NNT: variants seen among roughly 807,000 people sequenced by gnomAD.
The protein encoded by NNT is nicotinamide nucleotide transhydrogenase, also known as NAD(P) transhydrogenase, mitochondrial.
Under a neutral mutation model 104.8 loss-of-function variants are expected in NNT, and 50 were observed. The observed-to-expected ratio is 0.48, with a 90% confidence interval of 0.38 to 0.60. The LOEUF is 0.60. NNT is among the 20% of genes least tolerant of loss of function. The pLI is 0.00. For synonymous variants in NNT, 461 were observed against 490.4 expected, an observed-to-expected ratio of 0.94 and a Z score of 0.79; for missense variants, 1,131 against 1,330.7, an observed-to-expected ratio of 0.85 and a Z score of 2.33.
intron 19 of NNT, among the ~76,000 whole-genome samples, chr5:43,697,127 G>C (rs1226648593): frequency 6.6e-6 from 1 of 152,112 alleles, no homozygotes. Context: ...TTTATGCTCT[G>C]TTTTCTTTCT....
At chr5:43,618,200 A>G (rs1749884240) in intron 4 of NNT, among the ~76,000 whole-genome samples, 1 of 152,224 alleles carries the variant, frequency 6.6e-6, no homozygotes, top group Non-Finnish European at 1.5e-5. Context: ...AGCATTTTCT[A>G]TGTGACAGGC....
At chr5:43,622,893 T>A (rs1318781593) in intron 5 of NNT, among the ~76,000 whole-genome samples, 7 of 151,836 alleles carry the variant, frequency 4.6e-5, no homozygotes, top group Non-Finnish European at 1.5e-5. Context: ...TATGTCTTGA[T>A]TCAGGATAAC....
At chr5:43,669,594 T>C (rs919994411) in intron 17 of NNT, among the ~76,000 whole-genome samples, 6 of 151,970 alleles carry the variant, frequency 3.9e-5, no homozygotes, top group African/African-American at 7.2e-5. Context: ...TATTGATTTG[T>C]GTATGTTGAA....
Position 43,656,228 on chromosome 5 carries a change from C to G in NNT, c.2293+155C>G, listed in dbSNP as rs114895780. Among the ~76,000 whole-genome samples, 1,303 of 152,132 alleles carry G rather than the reference C, an allele frequency of 8.6e-3. 7 individuals carry two copies. The highest frequency in any genetic ancestry group is 0.014 in the Non-Finnish European group (930 of 68,002). The stretch of plus-strand genomic sequence containing the variant: ...AGGCTGAGGTGGGAGGCTCTCAAGC[C>G]CAGGAGTTCAAGACCAGCCTGGGCA... On this transcript the variant is annotated intron_variant, in intron 15 of 21. Coordinates refer to ENST00000344920, the MANE Select transcript of NNT (RefSeq NM_182977.3).
rs1751389339 is a variant in NNT at position 43,644,329 on chromosome 5, T to C, written c.1098+4T>C. The C allele has an allele frequency of 1.9e-6, 3 of 1,611,264 alleles. No individual in the cohort carries two copies. In the East Asian group the frequency reaches 6.7e-5, roughly 36 times the overall value. ...AGGAGAACTCTACATTCATAAGGTATAGCAAGATGCGTTTTCTATCTGTGA... is the reference window on the plus strand; with the variant it reads ...AGGAGAACTCTACATTCATAAGGTACAGCAAGATGCGTTTTCTATCTGTGA... On this transcript the variant is annotated splice_donor_region_variant and intron_variant, in intron 8 of 21. Coordinates refer to ENST00000344920, the MANE Select transcript of NNT (RefSeq NM_182977.3).
At chr5:43,604,823 C>A (rs186400159) in intron 1 of NNT, among the ~76,000 whole-genome samples, 1 of 152,258 alleles carries the variant, frequency 6.6e-6, no homozygotes, top group Admixed American at 6.5e-5. Flanking sequence ...AGGCTTGCAC[C>A]ACCATGCCCT....
intron 17 of NNT, among the ~76,000 whole-genome samples, chr5:43,669,304 C>A (rs1250783649): frequency 6.6e-6 from 1 of 152,202 alleles, no homozygotes; most frequent in East Asian, 1.9e-4. Flanking sequence ...CTGGCCAGAA[C>A]TTCCAACACT....
rs748827397 is a variant in NNT at position 43,624,017 on chromosome 5, G to A, written c.688-15G>A. 5 of 1,613,040 alleles carry A rather than the reference G, an allele frequency of 3.1e-6. No homozygotes were observed. In the Admixed American group the frequency reaches 8.3e-5, roughly 27 times the overall value. On this transcript the variant is annotated splice_polypyrimidine_tract_variant and intron_variant, in intron 5 of 21. Transcript: ENST00000344920. ...TGATAATGAGCCTTAACACATAACTGGGTCTGTCTTCTAGATTCTGATAGT... is the reference window on the plus strand; with the variant it reads ...TGATAATGAGCCTTAACACATAACTAGGTCTGTCTTCTAGATTCTGATAGT...
At chr5:43,670,801 T>G (rs940646316) in intron 17 of NNT, among the ~76,000 whole-genome samples, 1 of 152,158 alleles carries the variant, frequency 6.6e-6, no homozygotes, top group Non-Finnish European at 1.5e-5. Context: ...TATTAGGTCC[T>G]GTTGGTGCAG....
intron 2 of NNT, among the ~76,000 whole-genome samples, chr5:43,610,299 T>C (rs1072745): frequency 0.63 from 95,310 of 151,104 alleles, 32,483 homozygotes; most frequent in African/African-American, 0.89. Flanking sequence ...GAGCAGGTTG[T>C]CCCCCAAGTC....
intron 17 of NNT, chr5:43,667,072 A>C: frequency 6.3e-7 from 1 of 1,593,660 alleles, no homozygotes; most frequent in South Asian, 1.1e-5. Context: ...CATCTTCTTT[A>C]GGCCCTTCTT....
At position 43,705,386 on chromosome 5, in the gene NNT, G is replaced by T. The variant is rs1656684523; in HGVS notation, c.*982G>T. 6.6e-6 allele frequency: 1 copy of T among 152,038 alleles called. No individual in the cohort carries two copies. The allele number at this position is 152,038 out of a possible 1,614,324, so 9.4% of individuals were successfully genotyped here. ...GATGGATTTTTTTTCAAATCAGTGT[G>T]TGTTTTGAGGTCTTATGTAATTGAT... On this transcript the variant is annotated 3_prime_UTR_variant, in exon 22 of 22. Coordinates refer to ENST00000344920, the MANE Select transcript of NNT (RefSeq NM_182977.3).
chr5:43,625,006 T>C (rs932709675), intron 6 of NNT, among the ~76,000 whole-genome samples: 2 of 152,204 alleles, frequency 1.3e-5, no homozygotes, highest in African/African-American at 2.4e-5. Flanking sequence ...TAAAGTGATA[T>C]ACTGATAAAA....
At chr5:43,649,974 A>G (rs1739667349) in intron 11 of NNT, among the ~76,000 whole-genome samples, 1 of 152,230 alleles carries the variant, frequency 6.6e-6, no homozygotes, top group Non-Finnish European at 1.5e-5. Context: ...ACATTGCCAT[A>G]GGCACAGCTT....
chr5:43,628,147 T>C (rs1750463971), intron 6 of NNT, 53 bp from the exon 7 acceptor site: 1 of 1,363,176 alleles, frequency 7.3e-7, no homozygotes, highest in Non-Finnish European at 9.7e-7. Flanking sequence ...TGATCTTGAC[T>C]TCTTTATTAG....
At chr5:43,677,887 C>A in intron 19 of NNT, 81 bp downstream of exon 19, 1 of 1,148,700 alleles carries the variant, frequency 8.7e-7, no homozygotes, top group South Asian at 1.2e-5. Context: ...GACCCTTGAA[C>A]AATGTAGGGG....
Position 43,705,135 on chromosome 5 carries a change from C to T in NNT, c.*731C>T, listed in dbSNP as rs1001072858. ...GAAGATCCCATTTCTAATTGGAGATCTCTTTAATTTCGATCAACTTATAAT... is the reference window on the plus strand; with the variant it reads ...GAAGATCCCATTTCTAATTGGAGATTTCTTTAATTTCGATCAACTTATAAT... On this transcript the variant is annotated 3_prime_UTR_variant, in exon 22 of 22. Coordinates refer to ENST00000344920, the MANE Select transcript of NNT (RefSeq NM_182977.3). 1 of 152,110 alleles carries T rather than the reference C, an allele frequency of 6.6e-6. No homozygotes were observed. The highest frequency in any genetic ancestry group is 1.5e-5 in the Non-Finnish European group (1 of 68,004). The allele number at this position is 152,110 out of a possible 1,614,324, so 9.4% of individuals were successfully genotyped here.
intron 17 of NNT, among the ~76,000 whole-genome samples, chr5:43,661,337 G>C (rs2111978502): frequency 6.6e-6 from 1 of 152,162 alleles, no homozygotes; most frequent in Non-Finnish European, 1.5e-5. Context: ...TGACCAGCAG[G>C]GGGCAGCAGA....
At chr5:43,612,820 C>T (rs896555718) in intron 2 of NNT, 88 bp from the exon 3 acceptor site, 1 of 891,114 alleles carries the variant, frequency 1.1e-6, no homozygotes. Flanking sequence ...AAAGATTGCT[C>T]CTTTCAATTT....
Sources: allele counts gnomAD v4.1 joint callset (sites outside exome capture counted in the v4.1 genomes callset), GRCh38; gene constraint gnomAD v4.1.1; transcripts MANE v1.5; gene names NCBI Gene and HGNC (gene_info 2026-07-23, HGNC 2026-07-21).